ZEB2: variants seen among roughly 807,000 people sequenced by gnomAD.
The protein encoded by ZEB2 is zinc finger E-box-binding homeobox 2.
A neutral mutation model predicts 99.9 loss-of-function variants in ZEB2; 6 were observed. The observed-to-expected ratio is 0.06, with a 90% CI of 0.03 to 0.12. The LOEUF (loss-of-function observed/expected upper bound fraction) is 0.12. Among genes scored for constraint, ZEB2 ranks in the 10% least tolerant of loss-of-function variants. ZEB2 has a pLI of 1.00. For synonymous variants in ZEB2, 517 were observed against 542.5 expected, an observed-to-expected ratio of 0.95 and a Z score of 0.65; for missense variants, 969 against 1,502.8, an observed-to-expected ratio of 0.64 and a Z score of 5.87.
At chr2:144,390,419 C>G in intron 9 of ZEB2, 1 of 322,660 alleles carries the variant, frequency 3.1e-6, no homozygotes, top group Non-Finnish European at 6.0e-6. Context: ...AAGACTTGTA[C>G]AAAAGTGATA....
Position 144,449,574 on chromosome 2 carries a change from C to T in ZEB2, c.74-19548G>A, listed in dbSNP as rs948065351. The T allele has an allele frequency of 2.0e-5, 3 of 152,278 alleles. No individual in the cohort carries two copies. In the East Asian group the frequency reaches 5.8e-4, roughly 29 times the overall value. 9.4% of individuals were successfully genotyped at this position (152,278 alleles called of 1,614,324 possible). On this transcript the variant is annotated intron_variant, in intron 2 of 9. Coordinates refer to ENST00000627532, the MANE Select transcript of ZEB2 (RefSeq NM_014795.4). ...AGTGGAAAGTGGCTGAGTAAGACCC[C>T]GTCAGATTCAGTGCAAGGTGAAGAC...
At chr2:144,491,743 C>A (rs1357830138) in intron 2 of ZEB2, among the ~76,000 whole-genome samples, 1 of 152,190 alleles carries the variant, frequency 6.6e-6, no homozygotes, top group Non-Finnish European at 1.5e-5. Context: ...TATTTACATG[C>A]CCCTCTTCAG....
At chr2:144,513,580 G>T in intron 2 of ZEB2, 1 of 1,528,736 alleles carries the variant, frequency 6.5e-7, no homozygotes, top group South Asian at 1.2e-5. Context: ...ATGTCTCTGT[G>T]AGATTTTTCA....
rs930516484 is a variant in ZEB2 at position 144,388,897 on chromosome 2, A to T, written c.*554T>A. 2.2e-6 allele frequency: 1 copy of T among 460,034 alleles called. No homozygotes were observed. Among genetic ancestry groups the T allele is most frequent in the African/African-American group, 2.0e-5 (1 of 49,556 alleles). The allele number at this position is 460,034 out of a possible 1,614,324, so 28.5% of individuals were successfully genotyped here. The stretch of plus-strand genomic sequence containing the variant: ...ACTTCAAGTTCCTTCACAGAAAAAA[A>T]AAAAAATTGAGGCCTAAAATTGTGT... On this transcript the variant is annotated 3_prime_UTR_variant, in exon 10 of 10. Transcript: ENST00000627532. The surrounding 1 kb of genome is among the most constrained non-coding windows in gnomAD (Gnocchi z 5.4).
intron 2 of ZEB2, among the ~76,000 whole-genome samples, chr2:144,447,816 G>T (rs944202223): frequency 7.2e-5 from 11 of 152,212 alleles, no homozygotes; most frequent in Admixed American, 6.5e-4. Flanking sequence ...AGCTGGGGCA[G>T]CTCAGCCATG....
intron 3 of ZEB2, among the ~76,000 whole-genome samples, chr2:144,425,825 T>C (rs540913066): frequency 6.6e-6 from 1 of 152,228 alleles, no homozygotes; most frequent in South Asian, 2.1e-4. Flanking sequence ...TGAGACCAAA[T>C]ATGCTCCAGG....
intron 2 of ZEB2, among the ~76,000 whole-genome samples, chr2:144,477,458 C>T (rs1374054246): frequency 2.0e-5 from 3 of 152,152 alleles, no homozygotes; most frequent in African/African-American, 7.2e-5. Context: ...GCCAGTATAA[C>T]TCCAACAGCA....
intron 2 of ZEB2, among the ~76,000 whole-genome samples, chr2:144,503,378 C>T (rs1250679818): frequency 3.3e-5 from 5 of 152,182 alleles, no homozygotes; most frequent in African/African-American, 1.2e-4. Flanking sequence ...GCATCTTCAG[C>T]CCTTTGTTCA....
intron 2 of ZEB2, among the ~76,000 whole-genome samples, chr2:144,444,398 G>GA (rs1381992524): frequency 6.6e-6 from 1 of 152,126 alleles, no homozygotes; most frequent in Non-Finnish European, 1.5e-5. Context: ...TGAACACAAT[G>GA]AAAAAAACAG....
chr2:144,509,509 G>A (rs1305424158), intron 2 of ZEB2, among the ~76,000 whole-genome samples: 3 of 152,114 alleles, frequency 2.0e-5, no homozygotes, highest in Non-Finnish European at 4.4e-5. Flanking sequence ...GCTCTTATAA[G>A]TGAAATCTTC....
At chr2:144,395,516 C>G (rs1029037265) in intron 9 of ZEB2, among the ~76,000 whole-genome samples, 1 of 151,934 alleles carries the variant, frequency 6.6e-6, no homozygotes, top group Non-Finnish European at 1.5e-5. Flanking sequence ...TTTTCCCCCC[C>G]GATCCAGGGC....
chr2:144,419,701 C>T (rs926809828), intron 4 of ZEB2, among the ~76,000 whole-genome samples: 2 of 152,026 alleles, frequency 1.3e-5, no homozygotes, highest in African/African-American at 4.8e-5. Context: ...GAATTTAAAT[C>T]CTATTAATAT....
chr2:144,457,145 T>G (rs1704131583), intron 2 of ZEB2, among the ~76,000 whole-genome samples: 2 of 152,178 alleles, frequency 1.3e-5, no homozygotes, highest in Non-Finnish European at 2.9e-5. Context: ...CTTCTACATT[T>G]AAAAGGACAG....
At chr2:144,432,873 GT>G (rs1703792013) in intron 2 of ZEB2, among the ~76,000 whole-genome samples, 1 of 152,130 alleles carries the variant, frequency 6.6e-6, no homozygotes, top group Non-Finnish European at 1.5e-5. Flanking sequence ...ACGTATACTG[GT>G]TTTAAATGAG....
rs184171883 is a variant in ZEB2 at position 144,449,995 on chromosome 2, A to T, written c.74-19969T>A. The stretch of plus-strand genomic sequence containing the variant: ...TGATTAGCTATTTTAGATGGCGTGT[A>T]ATAGACTTGAGTAGTAAGCTATGTT... On this transcript the variant is annotated intron_variant, in intron 2 of 9. Coordinates refer to ENST00000627532, the MANE Select transcript of ZEB2 (RefSeq NM_014795.4). Among the ~76,000 whole-genome samples, 50 of 152,348 alleles carry T rather than the reference A, an allele frequency of 3.3e-4. No individual in the cohort carries two copies. In the East Asian group the frequency reaches 8.9e-3, roughly 27 times the overall value.
intron 2 of ZEB2, among the ~76,000 whole-genome samples, chr2:144,489,370 C>G (rs569964217): frequency 1.3e-5 from 2 of 152,138 alleles, no homozygotes; most frequent in East Asian, 3.9e-4. Flanking sequence ...TTCCTCTGGC[C>G]TAATAAAACA....
intron 2 of ZEB2, among the ~76,000 whole-genome samples, chr2:144,474,517 G>A (rs1704404886): frequency 2.0e-5 from 3 of 152,176 alleles, no homozygotes; most frequent in Admixed American, 2.0e-4. Flanking sequence ...GTTCTAAGGT[G>A]TCAGAAACTG....
chr2:144,516,223 C>CT (rs982541919), intron 2 of ZEB2: 1 of 85,672 alleles, frequency 1.2e-5, no homozygotes, highest in African/African-American at 5.8e-5. Context: ...AGCTCCCCCA[C>CT]CCCCCCCCGG....
intron 2 of ZEB2, chr2:144,516,443 C>CA (rs1227873477): frequency 6.7e-6 from 1 of 148,228 alleles, no homozygotes; most frequent in African/African-American, 2.5e-5. Context: ...CTCACCCCCC[C>CA]CTTTAATATC....
Sources: allele counts gnomAD v4.1 joint callset (sites outside exome capture counted in the v4.1 genomes callset), GRCh38; gene constraint gnomAD v4.1.1; non-coding constraint Gnocchi (gnomAD v3.1); transcripts MANE v1.5; gene names NCBI Gene and HGNC (gene_info 2026-07-23, HGNC 2026-07-21).